Variants in RASSF5 observed in about 807,000 individuals in gnomAD.
The protein encoded by RASSF5 is ras association domain-containing protein 5.
In RASSF5, 25 loss-of-function variants were observed where a neutral mutation model predicts 40.5. That is an observed-to-expected ratio of 0.62 (90% CI 0.45 to 0.86). RASSF5 has a LOEUF of 0.86. Among genes scored for constraint, RASSF5 ranks in the 40% least tolerant of loss-of-function variants. The pLI is 0.00. For missense variants in RASSF5, 521 were observed against 572.8 expected (o/e 0.91, Z 0.92); for synonymous variants, 246 against 252.4 (o/e 0.97, Z 0.24).
chr1:206,568,509 G>A (rs1668344152), intron 2 of RASSF5, among the ~76,000 whole-genome samples: 1 of 152,188 alleles, frequency 6.6e-6, no homozygotes, highest in Non-Finnish European at 1.5e-5. Context: ...GTGTGGGTAT[G>A]CGGGGTGCTG....
At chr1:206,562,737 C>T (rs2103543878) in intron 2 of RASSF5, among the ~76,000 whole-genome samples, 1 of 152,242 alleles carries the variant, frequency 6.6e-6, no homozygotes, top group South Asian at 2.1e-4. Context: ...TCCAGACCAT[C>T]CTGGCTAACC....
At chr1:206,529,799 C>T (rs1444645040) in intron 1 of RASSF5, 3 of 410,146 alleles carry the variant, frequency 7.3e-6, no homozygotes, top group Non-Finnish European at 9.1e-6. Flanking sequence ...GTGGTGTGTG[C>T]CTGTAATCCC....
Position 206,517,650 on chromosome 1 carries a change from G to A in RASSF5, c.457+9591G>A, listed in dbSNP as rs571995308. 3.0e-4 allele frequency among the ~76,000 whole-genome samples: 45 copies of A among 152,290 alleles called. 1 individual carries two copies. The highest frequency in any genetic ancestry group is 5.0e-4 in the Non-Finnish European group (34 of 68,022). On this transcript the variant is annotated intron_variant, in intron 1 of 5. Coordinates refer to ENST00000579436, the MANE Select transcript of RASSF5 (RefSeq NM_182663.4). ...GTCTTCTGTCTTGGACTGGGCAACA[G>A]GGCCTCCCAGAACTTTTCTACTAGG...
chr1:206,565,545 T>C (rs73080942), intron 2 of RASSF5, among the ~76,000 whole-genome samples: 11,612 of 152,240 alleles, frequency 0.076, 629 homozygotes, highest in African/African-American at 0.16. Context: ...GAGATGGGGT[T>C]TCTGTACTTG....
chr1:206,558,561 CATTA>C (rs1668055818), intron 2 of RASSF5, among the ~76,000 whole-genome samples: 1 of 152,174 alleles, frequency 6.6e-6, no homozygotes, highest in South Asian at 2.1e-4. Context: ...GCAGGCTCAT[CATTA>C]ATTCAGCAGT....
rs1326145522 is a variant in RASSF5 at position 206,511,412 on chromosome 1, C to T, written c.457+3353C>T. 3.9e-5 allele frequency among the ~76,000 whole-genome samples: 6 copies of T among 152,168 alleles called. No homozygotes were observed. In the East Asian group the frequency reaches 1.2e-3, roughly 29 times the overall value. ...GAAGGCGCATGGAGGTGGCCTTTTA[C>T]CTTTCATCTCATTTTGGTGGCTGCG... On this transcript the variant is annotated intron_variant, in intron 1 of 5. Coordinates refer to ENST00000579436, the MANE Select transcript of RASSF5 (RefSeq NM_182663.4).
chr1:206,555,750 T>C (rs547776021), intron 2 of RASSF5, among the ~76,000 whole-genome samples: 58 of 152,186 alleles, frequency 3.8e-4, no homozygotes, highest in Middle Eastern at 6.8e-3. Context: ...AGCTCTCTTG[T>C]TTTTGTGCCT....
chr1:206,583,131 G>A (rs929321035), intron 2 of RASSF5, 138 bp from the exon 3 acceptor site: 26 of 625,116 alleles, frequency 4.2e-5, no homozygotes, highest in South Asian at 1.2e-4. Context: ...GTCTCACTCC[G>A]AGTCCGTGCA....
chr1:206,530,627 A>G (rs2151224), intron 1 of RASSF5, among the ~76,000 whole-genome samples: 60,877 of 152,116 alleles, frequency 0.4, 13,146 homozygotes, highest in South Asian at 0.58. Context: ...CTGAAACTAG[A>G]GTGAGATTTT....
At chr1:206,557,832 G>A in intron 2 of RASSF5, 1 of 902,738 alleles carries the variant, frequency 1.1e-6, no homozygotes, top group African/African-American at 1.7e-5. Context: ...CCTGAGGGCT[G>A]AGCATCGTAT....
chr1:206,551,805 G>C (rs1667849847), intron 2 of RASSF5, among the ~76,000 whole-genome samples: 1 of 152,240 alleles, frequency 6.6e-6, no homozygotes, highest in African/African-American at 2.4e-5. Context: ...CCTGAGGCGA[G>C]AGGCAAGACC....
intron 1 of RASSF5, among the ~76,000 whole-genome samples, chr1:206,525,090 TC>T (rs1279233242): frequency 6.6e-6 from 1 of 152,140 alleles, no homozygotes; most frequent in Non-Finnish European, 1.5e-5. Context: ...TGCCCACTCC[TC>T]CCAAGACACC....
At chr1:206,585,502 C>T (rs1553407462) in intron 5 of RASSF5, 1 of 452,918 alleles carries the variant, frequency 2.2e-6, no homozygotes, top group African/African-American at 2.0e-5. Context: ...CACATTAGGG[C>T]CTGTGTGTGG....
intron 2 of RASSF5, among the ~76,000 whole-genome samples, chr1:206,548,004 T>G (rs1667740328): frequency 6.6e-6 from 1 of 152,202 alleles, no homozygotes; most frequent in Non-Finnish European, 1.5e-5. Flanking sequence ...TAATTTCACC[T>G]TCCTTTTTGA....
Position 206,586,873 on chromosome 1 carries a change from G to T in RASSF5, c.1152G>T (p.Leu384=), listed in dbSNP as rs1553407760. 3 of 1,614,062 alleles carry T rather than the reference G, an allele frequency of 1.9e-6. No homozygotes were observed. The highest frequency in any genetic ancestry group is 4.5e-5 in the East Asian group (2 of 44,890). The part of the protein sequence containing the change: ...IPELQNFLTI[L]EKEEQDKIQQ... ...AACTTCAGAACTTCCTAACAATCCTGGAAAAAGAGGAGCAGGACAAAATCC... is the reference window on the plus strand; with the variant it reads ...AACTTCAGAACTTCCTAACAATCCTTGAAAAAGAGGAGCAGGACAAAATCC... The change falls in exon 6 of 6, where the codon CTG becomes CTT. Residue 384 remains leucine, a synonymous_variant. Coordinates refer to ENST00000579436, the MANE Select transcript of RASSF5 (RefSeq NM_182663.4).
chr1:206,510,585 C>T (rs1009235789), intron 1 of RASSF5, among the ~76,000 whole-genome samples: 1 of 152,134 alleles, frequency 6.6e-6, no homozygotes, highest in Non-Finnish European at 1.5e-5. Context: ...CCTTTCGAAG[C>T]AGTGAGTACA....
intron 2 of RASSF5, among the ~76,000 whole-genome samples, chr1:206,556,810 C>A (rs539642216): frequency 6.6e-6 from 1 of 152,116 alleles, no homozygotes; most frequent in African/African-American, 2.4e-5. Context: ...CCGGCTCCCC[C>A]ACCCAGCGAA....
At chr1:206,517,447 GGATGA>G (rs1666779469) in intron 1 of RASSF5, among the ~76,000 whole-genome samples, 1 of 152,104 alleles carries the variant, frequency 6.6e-6, no homozygotes, top group African/African-American at 2.4e-5. Flanking sequence ...ACTCCAACCT[GGATGA>G]CAGAGCAAGA....
chr1:206,532,009 G>A (rs781914922), intron 1 of RASSF5, among the ~76,000 whole-genome samples: 113 of 151,956 alleles, frequency 7.4e-4, no homozygotes, highest in Non-Finnish European at 1.9e-4. Flanking sequence ...CCAAGTTCAC[G>A]CCACTGCACT....
Sources: allele counts gnomAD v4.1 joint callset (sites outside exome capture counted in the v4.1 genomes callset), GRCh38; gene constraint gnomAD v4.1.1; transcripts MANE v1.5; gene names NCBI Gene and HGNC (gene_info 2026-07-23, HGNC 2026-07-21).